Variants in MBOAT2 observed in about 807,000 individuals in gnomAD.
MBOAT2 encodes the protein membrane-bound glycerophospholipid O-acyltransferase 2.
In MBOAT2, 28 loss-of-function variants were observed where a neutral mutation model predicts 63.4. The observed-to-expected ratio is 0.44, with a 90% CI of 0.33 to 0.61. The LOEUF (loss-of-function observed/expected upper bound fraction) is 0.61, where lower values mean the gene tolerates loss of function less well. MBOAT2 is among the 20% of genes least tolerant of loss of function. The pLI, the probability that MBOAT2 is intolerant of heterozygous loss-of-function variation, is 0.03. For missense variants in MBOAT2, 470 were observed against 605.8 expected, an observed-to-expected ratio of 0.78 and a Z score of 2.35; for synonymous variants, 211 against 215.6, an observed-to-expected ratio of 0.98 and a Z score of 0.19.
At chr2:8,934,011 G>C (rs1220679824) in intron 3 of MBOAT2, among the ~76,000 whole-genome samples, 2 of 152,062 alleles carry the variant, frequency 1.3e-5, no homozygotes, top group Admixed American at 6.5e-5. Flanking sequence ...GTATACAAAG[G>C]AATCTCAATC....
At chr2:8,865,962 G>T (rs1171691568) in intron 9 of MBOAT2, among the ~76,000 whole-genome samples, 1 of 152,104 alleles carries the variant, frequency 6.6e-6, no homozygotes, top group South Asian at 2.1e-4. Flanking sequence ...GCTTGAACCC[G>T]GGAGGCAGAG....
chr2:8,966,453 T>C (rs765786948), intron 1 of MBOAT2, among the ~76,000 whole-genome samples: 2 of 152,220 alleles, frequency 1.3e-5, no homozygotes, highest in Non-Finnish European at 2.9e-5. Context: ...AAACAGATTA[T>C]TGGATTCTAG....
At chr2:8,865,441 G>A (rs979320991) in intron 9 of MBOAT2, among the ~76,000 whole-genome samples, 2 of 152,034 alleles carry the variant, frequency 1.3e-5, no homozygotes, top group African/African-American at 2.4e-5. Flanking sequence ...CAGGAGAAGT[G>A]GTCCTTCTCC....
intron 3 of MBOAT2, among the ~76,000 whole-genome samples, chr2:8,922,549 C>T (rs150514340): frequency 3.3e-5 from 5 of 152,300 alleles, no homozygotes; most frequent in Non-Finnish European, 7.3e-5. Flanking sequence ...TGTCTCTACT[C>T]AGTTTTTTAA....
At chr2:8,986,124 T>A (rs183796695) in intron 1 of MBOAT2, among the ~76,000 whole-genome samples, 7 of 144,510 alleles carry the variant, frequency 4.8e-5, no homozygotes, top group Non-Finnish European at 8.9e-5. Context: ...AAGCACAGAC[T>A]CATGAGAAAA....
rs530774525 is a variant in MBOAT2, at chr2:8,890,314, G to A, written c.396-2241C>T. Among the ~76,000 whole-genome samples, 9 of 152,170 alleles carry A rather than the reference G, an allele frequency of 5.9e-5. No individual in the cohort carries two copies. In the East Asian group the frequency reaches 7.7e-4, roughly 13 times the overall value. On this transcript the variant is annotated intron_variant, in intron 4 of 12. Transcript: ENST00000305997. ...AAAACACACACACACACGCGCGCAC[G>A]CAAATACTCTTCATTTCATCTTAGT...
At chr2:8,941,153 G>A (rs546806119) in intron 3 of MBOAT2, among the ~76,000 whole-genome samples, 1 of 152,148 alleles carries the variant, frequency 6.6e-6, no homozygotes, top group East Asian at 1.9e-4. Context: ...CTGAATAGAA[G>A]GGAGCTAAAA....
At chr2:8,921,213 C>T (rs1666541635) in intron 3 of MBOAT2, among the ~76,000 whole-genome samples, 1 of 151,834 alleles carries the variant, frequency 6.6e-6, no homozygotes, top group South Asian at 2.1e-4. Context: ...ATTTTAATTC[C>T]TCTGTTGATT....
At chr2:8,995,614 G>A (rs1219527046) in intron 1 of MBOAT2, among the ~76,000 whole-genome samples, 3 of 136,256 alleles carry the variant, frequency 2.2e-5, no homozygotes, top group Non-Finnish European at 4.6e-5. Context: ...TTTTTGAGAC[G>A]GAGTCTCGCT....
chr2:8,904,320 T>A (rs920278099), intron 4 of MBOAT2, among the ~76,000 whole-genome samples: 4 of 151,710 alleles, frequency 2.6e-5, no homozygotes, highest in Non-Finnish European at 4.4e-5. Flanking sequence ...TTTTTTATTT[T>A]TTTTTTTTTG....
At chr2:8,908,123 G>A (rs1665462679) in intron 4 of MBOAT2, 1 of 152,226 alleles carries the variant, frequency 6.6e-6, no homozygotes, top group African/African-American at 2.4e-5. Context: ...TATAAAGATG[G>A]AAAGCAAGTT....
chr2:8,938,401 C>T (rs1248802980), intron 3 of MBOAT2, among the ~76,000 whole-genome samples: 2 of 152,162 alleles, frequency 1.3e-5, no homozygotes, highest in Non-Finnish European at 2.9e-5. Context: ...ACATTACACA[C>T]TCACACCTCA....
chr2:8,986,147 T>A (rs185771875), intron 1 of MBOAT2, among the ~76,000 whole-genome samples: 1 of 129,688 alleles, frequency 7.7e-6, no homozygotes, highest in African/African-American at 3.0e-5. Flanking sequence ...ATTCAATAAA[T>A]CCCACTGGAG....
chr2:8,975,841 CA>C (rs1368489194), intron 1 of MBOAT2, among the ~76,000 whole-genome samples: 1 of 149,586 alleles, frequency 6.7e-6, no homozygotes, highest in Admixed American at 6.7e-5. Context: ...TTATGTTAGG[CA>C]GAGAAATAGC....
intron 6 of MBOAT2, among the ~76,000 whole-genome samples, chr2:8,879,059 G>A (rs1356141955): frequency 7.1e-6 from 1 of 140,622 alleles, no homozygotes; most frequent in Non-Finnish European, 1.5e-5. Context: ...CTGGGCGACA[G>A]AGCGAGACTC....
chr2:8,945,865 C>T (rs1046803888), intron 2 of MBOAT2, among the ~76,000 whole-genome samples: 2 of 151,868 alleles, frequency 1.3e-5, no homozygotes, highest in African/African-American at 4.8e-5. Flanking sequence ...AGGTTGAAAA[C>T]ACCTCTTCAA....
At chr2:8,963,194 C>T (rs553582442) in intron 1 of MBOAT2, among the ~76,000 whole-genome samples, 64 of 150,568 alleles carry the variant, frequency 4.3e-4, no homozygotes, top group African/African-American at 1.5e-3. Flanking sequence ...GCTGTGATCA[C>T]GCCACTGCAT....
intron 12 of MBOAT2, among the ~76,000 whole-genome samples, chr2:8,859,579 G>A (rs532096531): frequency 4.6e-5 from 7 of 152,280 alleles, no homozygotes; most frequent in Admixed American, 3.3e-4. Flanking sequence ...TGTTAAAATG[G>A]AAACTGTAGC....
intron 3 of MBOAT2, among the ~76,000 whole-genome samples, chr2:8,939,750 A>C (rs1008002936): frequency 6.6e-6 from 1 of 152,156 alleles, no homozygotes; most frequent in Non-Finnish European, 1.5e-5. Context: ...AAGCACATAC[A>C]CACACAGAAT....
Sources: allele counts gnomAD v4.1 joint callset (sites outside exome capture counted in the v4.1 genomes callset), GRCh38; gene constraint gnomAD v4.1.1; transcripts MANE v1.5; gene names NCBI Gene and HGNC (gene_info 2026-07-23, HGNC 2026-07-21).